Variants in HIBADH observed in about 807,000 individuals in gnomAD.
HIBADH encodes the protein 3-hydroxyisobutyrate dehydrogenase, also known as 3-hydroxyisobutyrate dehydrogenase, mitochondrial.
HIBADH carries 25 observed loss-of-function variants against 36.1 expected under a neutral mutation model. The observed-to-expected ratio is 0.69, with a 90% CI of 0.50 to 0.97. The LOEUF (loss-of-function observed/expected upper bound fraction) is 0.97, where lower values mean the gene tolerates loss of function less well. Among genes scored for constraint, HIBADH ranks in the 50% least tolerant of loss-of-function variants. HIBADH has a pLI of 0.00. For missense variants in HIBADH, 421 were observed against 418.0 expected (o/e 1.01, Z -0.06); for synonymous variants, 160 against 149.5 (o/e 1.07, Z -0.51).
intron 4 of HIBADH, among the ~76,000 whole-genome samples, chr7:27,552,217 C>A (rs964305733): frequency 6.6e-6 from 1 of 152,176 alleles, no homozygotes; most frequent in African/African-American, 2.4e-5. Flanking sequence ...GTTTCAGAGT[C>A]CATGTCAGAT....
chr7:27,606,100 T>TAAAAC (rs59465005), intron 4 of HIBADH, among the ~76,000 whole-genome samples: 145,637 of 152,122 alleles, frequency 0.96, 69,776 homozygotes, highest in East Asian at 1. Context: ...TTAAACATCA[T>TAAAAC]AAAACATTTT....
At chr7:27,584,830 T>C (rs936218839) in intron 4 of HIBADH, among the ~76,000 whole-genome samples, 1 of 152,090 alleles carries the variant, frequency 6.6e-6, no homozygotes, top group Non-Finnish European at 1.5e-5. Flanking sequence ...ACCACTGTCT[T>C]GACTCTTGCT....
At chr7:27,609,998 T>A (rs1478152095) in intron 4 of HIBADH, among the ~76,000 whole-genome samples, 1 of 151,884 alleles carries the variant, frequency 6.6e-6, no homozygotes, top group Non-Finnish European at 1.5e-5. Flanking sequence ...TATATTTTTT[T>A]AGTAGAAATG....
rs929941036 is a variant in HIBADH at position 27,636,569 on chromosome 7, T to C, written c.253-4124A>G. 2.6e-5 allele frequency among the ~76,000 whole-genome samples: 4 copies of C among 152,214 alleles called. No individual in the cohort carries two copies. The South Asian group carries it at 6.2e-4, about 24-fold the overall frequency. Reference sequence around the variant, plus strand: ...CCCAAGAGATTTACTTAAGCAAACATGTTCAGCCTTACAACTCAGGAACAA... The same window carrying C: ...CCCAAGAGATTTACTTAAGCAAACACGTTCAGCCTTACAACTCAGGAACAA... On this transcript the variant is annotated intron_variant, in intron 2 of 7. Coordinates refer to ENST00000265395, the MANE Select transcript of HIBADH (RefSeq NM_152740.4).
At chr7:27,561,825 A>G (rs1163133926) in intron 4 of HIBADH, among the ~76,000 whole-genome samples, 1 of 152,126 alleles carries the variant, frequency 6.6e-6, no homozygotes, top group African/African-American at 2.4e-5. Context: ...ATATCTTTTT[A>G]AGCCTTTTAA....
intron 4 of HIBADH, among the ~76,000 whole-genome samples, chr7:27,621,833 G>A (rs1430276221): frequency 1.3e-5 from 2 of 149,936 alleles, no homozygotes; most frequent in African/African-American, 2.5e-5. Flanking sequence ...ATCTCTTCGC[G>A]CCACAATAAA....
At chr7:27,587,453 G>T (rs1784881595) in intron 4 of HIBADH, among the ~76,000 whole-genome samples, 1 of 152,038 alleles carries the variant, frequency 6.6e-6, no homozygotes, top group East Asian at 1.9e-4. Flanking sequence ...AAAAAAAAAT[G>T]AATTATTAGG....
chr7:27,535,402 T>C (rs563561666), intron 6 of HIBADH, among the ~76,000 whole-genome samples: 1 of 152,304 alleles, frequency 6.6e-6, no homozygotes, highest in South Asian at 2.1e-4. Context: ...AAAGTTCTCA[T>C]CTTGAACAGC....
intron 4 of HIBADH, among the ~76,000 whole-genome samples, chr7:27,576,695 T>C (rs1784715690): frequency 2.0e-5 from 3 of 152,190 alleles, no homozygotes; most frequent in Admixed American, 2.0e-4. Context: ...TATACTTAGC[T>C]CCTTAAAGTA....
chr7:27,619,452 A>C (rs1785498515), intron 4 of HIBADH, among the ~76,000 whole-genome samples: 1 of 152,236 alleles, frequency 6.6e-6, no homozygotes, highest in Non-Finnish European at 1.5e-5. Context: ...ATTCTACAAC[A>C]ATATATTTTA....
intron 4 of HIBADH, among the ~76,000 whole-genome samples, chr7:27,550,767 T>C (rs1204815448): frequency 6.6e-6 from 1 of 152,208 alleles, no homozygotes. Flanking sequence ...ATGAGCTGTT[T>C]GAATCTTTGC....
At chr7:27,598,280 C>A (rs1488921265) in intron 4 of HIBADH, among the ~76,000 whole-genome samples, 2 of 152,150 alleles carry the variant, frequency 1.3e-5, no homozygotes, top group African/African-American at 4.8e-5. Flanking sequence ...TATAAAAGAA[C>A]CACATAACTT....
chr7:27,536,347 G>A (rs959390242), intron 6 of HIBADH, among the ~76,000 whole-genome samples: 1 of 151,934 alleles, frequency 6.6e-6, no homozygotes, highest in Non-Finnish European at 1.5e-5. Context: ...TAACAGTTAA[G>A]TATAACTAGT....
At chr7:27,554,905 C>G (rs767838479) in intron 4 of HIBADH, among the ~76,000 whole-genome samples, 1 of 152,162 alleles carries the variant, frequency 6.6e-6, no homozygotes, top group Non-Finnish European at 1.5e-5. Flanking sequence ...CCAACTCCTA[C>G]AATGAGTTGA....
At chr7:27,547,331 C>T (rs1784248177) in intron 4 of HIBADH, among the ~76,000 whole-genome samples, 1 of 152,200 alleles carries the variant, frequency 6.6e-6, no homozygotes, top group Non-Finnish European at 1.5e-5. Flanking sequence ...CCTTCCCTGA[C>T]CACTCAACCT....
chr7:27,563,450 G>A (rs1784496923), intron 4 of HIBADH, among the ~76,000 whole-genome samples: 1 of 152,192 alleles, frequency 6.6e-6, no homozygotes, highest in South Asian at 2.1e-4. Context: ...ATAAGTGTAT[G>A]TTTAACTTTA....
At chr7:27,550,653 C>T (rs1784305219) in intron 4 of HIBADH, among the ~76,000 whole-genome samples, 1 of 152,168 alleles carries the variant, frequency 6.6e-6, no homozygotes, top group Non-Finnish European at 1.5e-5. Flanking sequence ...TCATGACCCC[C>T]CTTTCTCTAT....
chr7:27,629,606 G>A, intron 3 of HIBADH, 114 bp from the exon 4 acceptor site: 1 of 628,736 alleles, frequency 1.6e-6, no homozygotes, highest in Non-Finnish European at 2.4e-6. Context: ...GAGGATTTTA[G>A]TTTAGTATTA....
At chr7:27,647,005 T>C (rs527578935) in intron 2 of HIBADH, among the ~76,000 whole-genome samples, 1 of 152,226 alleles carries the variant, frequency 6.6e-6, no homozygotes, top group East Asian at 1.9e-4. Flanking sequence ...CAGTTTTTCT[T>C]TATATATACA....
Sources: allele counts gnomAD v4.1 joint callset (sites outside exome capture counted in the v4.1 genomes callset), GRCh38; gene constraint gnomAD v4.1.1; transcripts MANE v1.5; gene names NCBI Gene and HGNC (gene_info 2026-07-23, HGNC 2026-07-21).